KLHL29: variants seen among roughly 807,000 people sequenced by gnomAD.
KLHL29 encodes the protein kelch-like protein 29.
KLHL29 carries 21 observed loss-of-function variants against 80.4 expected under a neutral mutation model. That is an observed-to-expected ratio of 0.26 (90% CI 0.19 to 0.38). The LOEUF (loss-of-function observed/expected upper bound fraction) is 0.38, where lower values mean the gene tolerates loss of function less well. Among genes scored for constraint, KLHL29 ranks in the 10% least tolerant of loss-of-function variants. KLHL29 has a pLI of 1.00. For missense variants in KLHL29, 867 were observed against 1,223.9 expected (o/e 0.71, Z 4.35); for synonymous variants, 511 against 526.8 (o/e 0.97, Z 0.41).
intron 3 of KLHL29, among the ~76,000 whole-genome samples, chr2:23,597,475 G>A (rs1668458258): frequency 7.7e-6 from 1 of 130,148 alleles, no homozygotes. Flanking sequence ...CCAGGCTGGA[G>A]TGCAGTGGCA....
chr2:23,693,970 C>T (rs1377427140), intron 8 of KLHL29, among the ~76,000 whole-genome samples: 3 of 152,218 alleles, frequency 2.0e-5, no homozygotes, highest in African/African-American at 7.2e-5. Flanking sequence ...GGCTCCCGCC[C>T]CAGATCTCGC....
intron 2 of KLHL29, among the ~76,000 whole-genome samples, chr2:23,558,640 G>T (rs1667360054): frequency 6.6e-6 from 1 of 152,184 alleles, no homozygotes; most frequent in Admixed American, 6.5e-5. Context: ...CTGGCCTCAA[G>T]TGATCCTCCC....
At chr2:23,622,972 T>C (rs547432709) in intron 3 of KLHL29, among the ~76,000 whole-genome samples, 7 of 152,054 alleles carry the variant, frequency 4.6e-5, no homozygotes, top group Non-Finnish European at 8.8e-5. Context: ...GGCTCCAGAG[T>C]CCTACTCCTA....
intron 2 of KLHL29, among the ~76,000 whole-genome samples, chr2:23,552,263 A>G (rs1471712475): frequency 6.6e-6 from 1 of 152,252 alleles, no homozygotes; most frequent in Non-Finnish European, 1.5e-5. Flanking sequence ...CAGAGCGCAG[A>G]AGAAACTTCT....
intron 5 of KLHL29, among the ~76,000 whole-genome samples, chr2:23,654,701 G>GGGA (rs1670189563): frequency 8.5e-6 from 1 of 117,940 alleles, no homozygotes; most frequent in Non-Finnish European, 1.9e-5. Flanking sequence ...GAGGTTGGGG[G>GGGA]GGGGGGGTGG....
intron 3 of KLHL29, among the ~76,000 whole-genome samples, chr2:23,564,471 G>C (rs1475295494): frequency 6.6e-6 from 1 of 152,224 alleles, no homozygotes; most frequent in Admixed American, 6.5e-5. Flanking sequence ...CCTCCAGCCC[G>C]GCCTGTTTCC....
intron 2 of KLHL29, among the ~76,000 whole-genome samples, chr2:23,515,283 C>T (rs1192625938): frequency 6.6e-6 from 1 of 152,196 alleles, no homozygotes; most frequent in Non-Finnish European, 1.5e-5. Flanking sequence ...ATGTCTTAGC[C>T]TCTGACCCCC....
At chr2:23,516,714 G>T (rs1165317781) in intron 2 of KLHL29, among the ~76,000 whole-genome samples, 1 of 152,240 alleles carries the variant, frequency 6.6e-6, no homozygotes. Flanking sequence ...CTGGGAAGTG[G>T]ACCCTCGAGC....
intron 6 of KLHL29, among the ~76,000 whole-genome samples, chr2:23,686,863 T>C (rs1671284158): frequency 6.6e-6 from 1 of 151,212 alleles, no homozygotes; most frequent in Non-Finnish European, 1.5e-5. Context: ...AAGCCCAGGG[T>C]GCCCTGTGGC....
At chr2:23,619,096 GC>G (rs2149142302) in intron 3 of KLHL29, among the ~76,000 whole-genome samples, 1 of 152,342 alleles carries the variant, frequency 6.6e-6, no homozygotes, top group Admixed American at 6.5e-5. Flanking sequence ...CCTCTCTGTT[GC>G]AGGTGGGAGG....
intron 3 of KLHL29, among the ~76,000 whole-genome samples, chr2:23,637,578 CT>C (rs1466597260): frequency 6.6e-6 from 1 of 152,232 alleles, no homozygotes; most frequent in African/African-American, 2.4e-5. Flanking sequence ...ATGCAATTAG[CT>C]GAGCGCAGCC....
chr2:23,583,750 G>A (rs1290775218), intron 3 of KLHL29, among the ~76,000 whole-genome samples: 1 of 152,202 alleles, frequency 6.6e-6, no homozygotes, highest in Admixed American at 6.5e-5. Context: ...GAAAGCTCTT[G>A]ATCAGACTCA....
intron 5 of KLHL29, among the ~76,000 whole-genome samples, chr2:23,649,434 G>A (rs1023194935): frequency 6.6e-6 from 1 of 152,184 alleles, no homozygotes; most frequent in Admixed American, 6.5e-5. Flanking sequence ...AGGGCTTAAC[G>A]GTTTTGTTAA....
chr2:23,660,171 G>T (rs1256926671), intron 5 of KLHL29, among the ~76,000 whole-genome samples: 1 of 152,200 alleles, frequency 6.6e-6, no homozygotes, highest in African/African-American at 2.4e-5. Flanking sequence ...TCTCCAAGGT[G>T]GAGGGTCTTG....
intron 1 of KLHL29, among the ~76,000 whole-genome samples, chr2:23,440,712 A>G (rs1176987056): frequency 1.3e-5 from 2 of 152,176 alleles, no homozygotes; most frequent in Non-Finnish European, 2.9e-5. Context: ...TATGCAGCCA[A>G]AAGACACATG....
intron 1 of KLHL29, among the ~76,000 whole-genome samples, chr2:23,431,614 C>T (rs538817227): frequency 6.4e-4 from 97 of 152,170 alleles, no homozygotes; most frequent in African/African-American, 1.4e-3. Flanking sequence ...CAGTGAAGGC[C>T]GGGCGCGGTG....
At chr2:23,621,799 C>T (rs1669189814) in intron 3 of KLHL29, among the ~76,000 whole-genome samples, 2 of 152,190 alleles carry the variant, frequency 1.3e-5, no homozygotes, top group South Asian at 4.1e-4. Context: ...ATCAAGTGGG[C>T]ACCAAGGGGG....
intron 1 of KLHL29, among the ~76,000 whole-genome samples, chr2:23,419,699 T>C (rs1189999419): frequency 1.3e-5 from 2 of 152,194 alleles, no homozygotes; most frequent in East Asian, 3.8e-4. Flanking sequence ...GAGTCTGGCA[T>C]TGGGCTCAGT....
At chr2:23,518,823 C>G (rs945193122) in intron 2 of KLHL29, among the ~76,000 whole-genome samples, 1 of 152,234 alleles carries the variant, frequency 6.6e-6, no homozygotes, top group African/African-American at 2.4e-5. Flanking sequence ...TTCCTTTCTC[C>G]TATCCCCATA....
Sources: allele counts gnomAD v4.1 joint callset (sites outside exome capture counted in the v4.1 genomes callset), GRCh38; gene constraint gnomAD v4.1.1; transcripts MANE v1.5; gene names NCBI Gene and HGNC (gene_info 2026-07-23, HGNC 2026-07-21).